CHCHD3: variants seen among roughly 807,000 people sequenced by gnomAD.
The protein encoded by CHCHD3 is MICOS complex subunit MIC19.
In CHCHD3, 20 loss-of-function variants were observed where a neutral mutation model predicts 38.2. The ratio of observed to expected loss-of-function variants is 0.52; its 90% CI spans 0.37 to 0.76. The LOEUF (loss-of-function observed/expected upper bound fraction) is 0.76, where lower values mean the gene tolerates loss of function less well. CHCHD3 is among the 30% of genes least tolerant of loss of function. CHCHD3 has a pLI of 0.00. For synonymous variants in CHCHD3, 82 were observed against 100.0 expected (o/e 0.82, Z 1.07); for missense variants, 245 against 279.2 (o/e 0.88, Z 0.87).
At chr7:132,951,770 A>C (rs1331221487) in intron 4 of CHCHD3, among the ~76,000 whole-genome samples, 1 of 152,208 alleles carries the variant, frequency 6.6e-6, no homozygotes, top group Non-Finnish European at 1.5e-5. Flanking sequence ...ACATTGCCTC[A>C]TTTGATCCTA....
Position 133,068,843 on chromosome 7 carries a change from G to GC in CHCHD3, c.169+1298dup, listed in dbSNP as rs1814743577. Reference sequence around the variant, plus strand: ...TTAGTGGGAAAGACAGAGAAGAAAAGCAAGTCTGGGGGTGAAAATAAAGGT... The same window carrying GC: ...TTAGTGGGAAAGACAGAGAAGAAAAGCCAAGTCTGGGGGTGAAAATAAAGGT... On this transcript the variant is annotated intron_variant, in intron 2 of 7. Transcript: ENST00000262570. Among the ~76,000 whole-genome samples the GC allele has an allele frequency of 3.9e-5, 6 of 152,318 alleles. No individual in the cohort carries two copies. The South Asian group carries it at 1.2e-3, about 32-fold the overall frequency.
intron 4 of CHCHD3, among the ~76,000 whole-genome samples, chr7:132,900,812 G>A (rs769546786): frequency 2.0e-5 from 3 of 152,128 alleles, no homozygotes; most frequent in African/African-American, 7.2e-5. Flanking sequence ...CCAATATGGT[G>A]AAACCCCGTC....
intron 7 of CHCHD3, among the ~76,000 whole-genome samples, chr7:132,791,686 G>A (rs1049514306): frequency 6.6e-5 from 10 of 152,164 alleles, no homozygotes; most frequent in Admixed American, 2.6e-4. Flanking sequence ...TTCAGAAGGC[G>A]GACAGAAATT....
chr7:132,855,103 A>G (rs1001783263), intron 5 of CHCHD3, among the ~76,000 whole-genome samples: 1 of 152,248 alleles, frequency 6.6e-6, no homozygotes, highest in African/African-American at 2.4e-5. Context: ...CTGGTGTTCC[A>G]TAAGATATTA....
At chr7:133,043,232 GT>G (rs1190547702) in intron 2 of CHCHD3, among the ~76,000 whole-genome samples, 3 of 152,038 alleles carry the variant, frequency 2.0e-5, no homozygotes, top group African/African-American at 7.3e-5. Context: ...AATTTAACTT[GT>G]TGCAGCCTTT....
At chr7:133,022,600 G>T (rs1048792960) in intron 3 of CHCHD3, 7 of 411,588 alleles carry the variant, frequency 1.7e-5, no homozygotes, top group African/African-American at 1.1e-4. Flanking sequence ...AAGTTTTCAT[G>T]AAGGAGGCTT....
Position 133,034,508 on chromosome 7 carries a change from C to CTTTTTTTTTT in CHCHD3, c.170-9891_170-9882dup, listed in dbSNP as rs146912120. ...AGTCCTTTCAGCAATTGGATCCAGT[C>CTTTTTTTTTT]TTTTTTTTTTTTTTTTTTTTTTCAA... On this transcript the variant is annotated intron_variant, in intron 2 of 7. Transcript: ENST00000262570. 2.7e-4 allele frequency: 76 copies of CTTTTTTTTTT among 285,176 alleles called. 7 individuals are homozygous for CTTTTTTTTTT. The highest frequency in any genetic ancestry group is 6.4e-4 in the East Asian group (8 of 12,416). The allele number at this position is 285,176 out of a possible 1,614,324, so 17.7% of individuals were successfully genotyped here.
intron 5 of CHCHD3, among the ~76,000 whole-genome samples, chr7:132,868,629 T>C (rs914260320): frequency 6.6e-6 from 1 of 152,120 alleles, no homozygotes; most frequent in Non-Finnish European, 1.5e-5. Flanking sequence ...TCTGACCCAG[T>C]ACATTTTTCT....
chr7:132,944,917 C>A (rs928218094), intron 4 of CHCHD3, among the ~76,000 whole-genome samples: 1 of 151,900 alleles, frequency 6.6e-6, no homozygotes, highest in Non-Finnish European at 1.5e-5. Context: ...TCTTTGTTCT[C>A]GTTACTTATG....
intron 2 of CHCHD3, among the ~76,000 whole-genome samples, chr7:133,027,700 A>T (rs1042824023): frequency 2.0e-5 from 3 of 152,192 alleles, no homozygotes; most frequent in African/African-American, 7.2e-5. Context: ...TAGCATGAGA[A>T]AAATATAAGC....
intron 5 of CHCHD3, 114 bp downstream of exon 5, chr7:132,885,548 T>C (rs1809183838): frequency 1.2e-6 from 1 of 802,048 alleles, no homozygotes; most frequent in South Asian, 1.9e-5. Flanking sequence ...CTTCACTTCC[T>C]GGCCACTTTA....
chr7:132,858,234 TG>T (rs1473139054), intron 5 of CHCHD3, among the ~76,000 whole-genome samples: 1 of 152,014 alleles, frequency 6.6e-6, no homozygotes, highest in African/African-American at 2.4e-5. Flanking sequence ...GGCTGATTTT[TG>T]AATTTTCAGT....
chr7:132,854,049 TAAATGAGG>T (rs935636098), intron 5 of CHCHD3, among the ~76,000 whole-genome samples: 3 of 152,170 alleles, frequency 2.0e-5, no homozygotes, highest in African/African-American at 7.2e-5. Flanking sequence ...TGTCAATGAG[TAAATGAGG>T]AAATGGGTTC....
At chr7:132,968,024 G>C (rs947899185) in intron 4 of CHCHD3, among the ~76,000 whole-genome samples, 2 of 152,094 alleles carry the variant, frequency 1.3e-5, no homozygotes, top group African/African-American at 2.4e-5. Flanking sequence ...AACAAAACAC[G>C]TTTCTCCTTT....
At chr7:132,856,037 A>T (rs1808336600) in intron 5 of CHCHD3, among the ~76,000 whole-genome samples, 1 of 152,114 alleles carries the variant, frequency 6.6e-6, no homozygotes, top group South Asian at 2.1e-4. Flanking sequence ...CTTTTCTGAG[A>T]ATTGTTCTTA....
intron 6 of CHCHD3, among the ~76,000 whole-genome samples, chr7:132,801,635 G>A (rs927216894): frequency 1.3e-5 from 2 of 152,172 alleles, no homozygotes; most frequent in Admixed American, 1.3e-4. Context: ...TTAGCTCAAC[G>A]AACCAGTCAC....
chr7:133,014,553 ATGAC>A (rs890419863), intron 3 of CHCHD3, among the ~76,000 whole-genome samples: 12 of 80,190 alleles, frequency 1.5e-4, no homozygotes, highest in East Asian at 1.3e-3. Flanking sequence ...ACTAAATGTG[ATGAC>A]TGACTATCAT....
intron 4 of CHCHD3, among the ~76,000 whole-genome samples, chr7:132,903,171 G>C (rs1175575863): frequency 6.6e-6 from 1 of 152,142 alleles, no homozygotes; most frequent in African/African-American, 2.4e-5. Context: ...TCAAGTCCCT[G>C]ATATAAAATG....
intron 2 of CHCHD3, among the ~76,000 whole-genome samples, chr7:133,060,553 T>C (rs77937076): frequency 0.058 from 8,743 of 151,904 alleles, 294 homozygotes; most frequent in Middle Eastern, 0.085. Context: ...AGAGGTGAGA[T>C]AGCAGTGGGG....
Sources: allele counts gnomAD v4.1 joint callset (sites outside exome capture counted in the v4.1 genomes callset), GRCh38; gene constraint gnomAD v4.1.1; transcripts MANE v1.5; gene names NCBI Gene and HGNC (gene_info 2026-07-23, HGNC 2026-07-21).